LRRTM4: variants seen among roughly 807,000 people sequenced by gnomAD.
LRRTM4 encodes the protein leucine-rich repeat transmembrane neuronal protein 4.
Under a neutral mutation model 47.6 loss-of-function variants are expected in LRRTM4, and 25 were observed. The observed-to-expected ratio is 0.53, with a 90% CI of 0.38 to 0.73. The LOEUF (loss-of-function observed/expected upper bound fraction) is 0.73, where lower values mean the gene tolerates loss of function less well. LRRTM4 is among the 30% of genes least tolerant of loss of function. The pLI is 0.00. For synonymous variants in LRRTM4, 311 were observed against 269.5 expected, an observed-to-expected ratio of 1.15 and a Z score of -1.51; for missense variants, 638 against 713.4, an observed-to-expected ratio of 0.89 and a Z score of 1.20.
At chr2:77,181,197 C>T (rs1331030753) in intron 3 of LRRTM4, among the ~76,000 whole-genome samples, 1 of 152,064 alleles carries the variant, frequency 6.6e-6, no homozygotes, top group Non-Finnish European at 1.5e-5. Flanking sequence ...CTGTGACTGG[C>T]TGCTCGAAGG....
intron 3 of LRRTM4, among the ~76,000 whole-genome samples, chr2:77,396,656 G>A (rs1462955467): frequency 6.6e-6 from 1 of 151,856 alleles, no homozygotes; most frequent in Non-Finnish European, 1.5e-5. Flanking sequence ...CAGTGTCAGA[G>A]GTATATTTCA....
chr2:76,945,029 C>T lies in LRRTM4; in HGVS notation c.1552-196113G>A, dbSNP rs568743079. Among the ~76,000 whole-genome samples the T allele has an allele frequency of 3.9e-5, 6 of 151,992 alleles. No individual in the cohort carries two copies. The South Asian group carries it at 8.3e-4, about 21-fold the overall frequency. The stretch of plus-strand genomic sequence containing the variant: ...GAAATTATCCCGTGGATTTGGGACC[C>T]GAATCTGAGGATTCAAAAACTTTAA... On this transcript the variant is annotated intron_variant, in intron 3 of 3. Coordinates refer to ENST00000409884, the MANE Select transcript of LRRTM4 (RefSeq NM_001134745.3).
In LRRTM4 at chr2:77,335,210, C is replaced by CTATT. The variant is rs1671117112; in HGVS notation, c.1551+183104_1551+183107dup. ...GTGCATTTATCCAGGTTCGATCTGT[C>CTATT]TATTTTATGAAAGCCTCCAAATCAC... On this transcript the variant is annotated intron_variant, in intron 3 of 3. Transcript: ENST00000409884. Among the ~76,000 whole-genome samples the CTATT allele has an allele frequency of 2.6e-5, 4 of 152,268 alleles. No homozygotes were observed. In the South Asian group the frequency reaches 8.3e-4, roughly 32 times the overall value.
At chr2:77,130,936 G>A (rs1200340596) in intron 3 of LRRTM4, among the ~76,000 whole-genome samples, 1 of 118,496 alleles carries the variant, frequency 8.4e-6, no homozygotes. Context: ...CCGGGTTCAC[G>A]CCATTCTCCT....
At chr2:77,194,223 T>G (rs1673754047) in intron 3 of LRRTM4, among the ~76,000 whole-genome samples, 1 of 152,094 alleles carries the variant, frequency 6.6e-6, no homozygotes, top group Non-Finnish European at 1.5e-5. Context: ...TAAAGAAAAC[T>G]GGGTCTTTGA....
At chr2:76,836,107 C>T (rs1287306731) in intron 3 of LRRTM4, among the ~76,000 whole-genome samples, 1 of 149,864 alleles carries the variant, frequency 6.7e-6, no homozygotes, top group African/African-American at 2.5e-5. Context: ...CCCAGGTTTT[C>T]TAAGGTGTAT....
At chr2:77,078,387 CACA>C (rs1680418742) in intron 3 of LRRTM4, among the ~76,000 whole-genome samples, 6 of 132,024 alleles carry the variant, frequency 4.5e-5, no homozygotes, top group African/African-American at 2.0e-4. Context: ...CACCCACACA[CACA>C]CACACACACA....
At chr2:77,365,163 T>G (rs1672393222) in intron 3 of LRRTM4, among the ~76,000 whole-genome samples, 2 of 152,070 alleles carry the variant, frequency 1.3e-5, no homozygotes. Context: ...TTCTGACTCT[T>G]ACACATAAAA....
chr2:76,909,076 C>G (rs996190583), intron 3 of LRRTM4, among the ~76,000 whole-genome samples: 71 of 151,510 alleles, frequency 4.7e-4, no homozygotes, highest in Non-Finnish European at 8.6e-4. Context: ...AGGCATCACA[C>G]TACCTGACTT....
At chr2:77,371,914 T>C (rs1210666684) in intron 3 of LRRTM4, among the ~76,000 whole-genome samples, 1 of 151,710 alleles carries the variant, frequency 6.6e-6, no homozygotes, top group East Asian at 1.9e-4. Context: ...GTTTCATACT[T>C]ACTGGCAGAA....
chr2:77,137,333 GA>G (rs1671975303), intron 3 of LRRTM4, among the ~76,000 whole-genome samples: 1 of 151,846 alleles, frequency 6.6e-6, no homozygotes, highest in Admixed American at 6.6e-5. Context: ...CATTCTTAAA[GA>G]AAACAATTTT....
At chr2:77,164,766 G>T (rs1390386627) in intron 3 of LRRTM4, among the ~76,000 whole-genome samples, 1 of 152,134 alleles carries the variant, frequency 6.6e-6, no homozygotes, top group Non-Finnish European at 1.5e-5. Context: ...TGAAACCAGT[G>T]AGAACAAAGA....
intron 3 of LRRTM4, among the ~76,000 whole-genome samples, chr2:76,809,902 A>C (rs1670681505): frequency 6.6e-6 from 1 of 152,082 alleles, no homozygotes; most frequent in Admixed American, 6.6e-5. Flanking sequence ...GCTTCATGGT[A>C]CCTTTCCTCA....
At chr2:77,348,193 T>C (rs1671637401) in intron 3 of LRRTM4, among the ~76,000 whole-genome samples, 1 of 151,976 alleles carries the variant, frequency 6.6e-6, no homozygotes. Context: ...TTTAACCATT[T>C]AGATAAGTTG....
chr2:76,761,428 G>A (rs1236757443), intron 3 of LRRTM4, among the ~76,000 whole-genome samples: 1 of 151,952 alleles, frequency 6.6e-6, no homozygotes, highest in Non-Finnish European at 1.5e-5. Flanking sequence ...CTATTCTTTT[G>A]TCTAAAGTTA....
At chr2:76,861,528 C>T (rs556856104) in intron 3 of LRRTM4, among the ~76,000 whole-genome samples, 1 of 152,246 alleles carries the variant, frequency 6.6e-6, no homozygotes, top group East Asian at 1.9e-4. Context: ...AGCTCTAGTA[C>T]AAATGCCATC....
chr2:77,189,475 A>G (rs1480572886), intron 3 of LRRTM4, among the ~76,000 whole-genome samples: 2 of 152,154 alleles, frequency 1.3e-5, no homozygotes, highest in East Asian at 3.9e-4. Context: ...CTGAGAATTA[A>G]TTAAGTCATA....
At chr2:76,825,806 A>C (rs201841653) in intron 3 of LRRTM4, among the ~76,000 whole-genome samples, 6 of 151,670 alleles carry the variant, frequency 4.0e-5, no homozygotes, top group African/African-American at 1.5e-4. Context: ...TAAAACACTA[A>C]GAGGTTAGTC....
At chr2:76,775,641 C>A (rs963662225) in intron 3 of LRRTM4, among the ~76,000 whole-genome samples, 1 of 152,086 alleles carries the variant, frequency 6.6e-6, no homozygotes, top group Non-Finnish European at 1.5e-5. Flanking sequence ...GAGTTAGCAG[C>A]TTTATAGATA....
Sources: allele counts gnomAD v4.1 joint callset (sites outside exome capture counted in the v4.1 genomes callset), GRCh38; gene constraint gnomAD v4.1.1; transcripts MANE v1.5; gene names NCBI Gene and HGNC (gene_info 2026-07-23, HGNC 2026-07-21).